The following NEK4 variants were observed in gnomAD, a reference collection of about 807,000 sequenced individuals.
NEK4 encodes the protein NIMA related kinase 4.
A neutral mutation model predicts 98.4 loss-of-function variants in NEK4; 86 were observed. That is an observed-to-expected ratio of 0.87 (90% CI 0.73 to 1.05). The LOEUF (loss-of-function observed/expected upper bound fraction) is 1.05. NEK4 is among the 50% of genes least tolerant of loss of function. The pLI is 0.00. For synonymous variants in NEK4, 328 were observed against 342.2 expected, an observed-to-expected ratio of 0.96 and a Z score of 0.46; for missense variants, 898 against 950.3, an observed-to-expected ratio of 0.94 and a Z score of 0.72.
At chr3:52,768,766 T>C (rs1315623229) in intron 1 of NEK4, among the ~76,000 whole-genome samples, 162 bp from the exon 2 acceptor site, 1 of 152,034 alleles carries the variant, frequency 6.6e-6, no homozygotes, top group Non-Finnish European at 1.5e-5. Flanking sequence ...TCGGGGAAAA[T>C]ATTTGCTATT....
At chr3:52,767,590 C>T (rs1441551545) in intron 2 of NEK4, among the ~76,000 whole-genome samples, 1 of 151,682 alleles carries the variant, frequency 6.6e-6, no homozygotes, top group East Asian at 1.9e-4. Context: ...TGGTGGCAGG[C>T]GCCTGTAATC....
rs2097397241 is a variant in NEK4, at chr3:52,746,918, A to C, written c.1507-14T>G. Reference sequence around the variant, plus strand: ...AGCAACTTGATCCTTAAAAACAATAAAATGACATTTTAAAGTATAGCAGCA... The same window carrying C: ...AGCAACTTGATCCTTAAAAACAATACAATGACATTTTAAAGTATAGCAGCA... On this transcript the variant is annotated splice_polypyrimidine_tract_variant and intron_variant, in intron 8 of 15. Coordinates refer to ENST00000233027, the MANE Select transcript of NEK4 (RefSeq NM_003157.6). 1.2e-6 allele frequency: 2 copies of C among 1,600,582 alleles called. No homozygotes were observed. The highest frequency in any genetic ancestry group is 1.7e-6 in the Non-Finnish European group (2 of 1,168,598).
At chr3:52,727,010 T>C (rs1305773116) in intron 15 of NEK4, among the ~76,000 whole-genome samples, 1 of 150,912 alleles carries the variant, frequency 6.6e-6, no homozygotes, top group Non-Finnish European at 1.5e-5. Flanking sequence ...GTTTCACTCT[T>C]GTTGCCCAGG....
intron 10 of NEK4, among the ~76,000 whole-genome samples, chr3:52,745,642 A>G (rs1296815584): frequency 6.6e-6 from 1 of 152,216 alleles, no homozygotes; most frequent in Non-Finnish European, 1.5e-5. Flanking sequence ...GTGTTTGGCA[A>G]GAAGCAGAGC....
At chr3:52,717,761 T>C (rs1451955123) in intron 15 of NEK4, among the ~76,000 whole-genome samples, 1 of 152,128 alleles carries the variant, frequency 6.6e-6, no homozygotes, top group Non-Finnish European at 1.5e-5. Flanking sequence ...GAAGTGTAAC[T>C]GAGTACCTCC....
chr3:52,736,587 TAAA>T (rs546567809), intron 15 of NEK4, among the ~76,000 whole-genome samples: 7 of 119,136 alleles, frequency 5.9e-5, no homozygotes, highest in Admixed American at 8.8e-5. Flanking sequence ...CTCCGTCTCA[TAAA>T]AAAAAAAAAA....
chr3:52,750,561 T>C (rs1438823780), intron 7 of NEK4, among the ~76,000 whole-genome samples: 1 of 151,912 alleles, frequency 6.6e-6, no homozygotes, highest in East Asian at 1.9e-4. Flanking sequence ...AAAATACATA[T>C]ATGTGTGTGT....
chr3:52,711,961 C>A, intron 15 of NEK4, 92 bp from the exon 16 acceptor site: 1 of 690,520 alleles, frequency 1.4e-6, no homozygotes. Flanking sequence ...AGCATGGTAT[C>A]CAAGGTGGAA....
chr3:52,719,511 A>G (rs2097358227), intron 15 of NEK4, among the ~76,000 whole-genome samples: 1 of 150,412 alleles, frequency 6.6e-6, no homozygotes. Context: ...TGAACCTGGG[A>G]GGCGTAGGTT....
intron 2 of NEK4, among the ~76,000 whole-genome samples, chr3:52,767,416 A>T (rs1372340882): frequency 6.6e-6 from 1 of 152,082 alleles, no homozygotes; most frequent in Non-Finnish European, 1.5e-5. Context: ...ATTTTTATTT[A>T]GAGAAAGTAT....
intron 15 of NEK4, among the ~76,000 whole-genome samples, chr3:52,719,110 A>G (rs1416922710): frequency 6.6e-6 from 1 of 152,204 alleles, no homozygotes; most frequent in Non-Finnish European, 1.5e-5. Flanking sequence ...GTACTCTTAA[A>G]GGCAGAAAGC....
chr3:52,750,481 A>G (rs1020302129), intron 7 of NEK4, among the ~76,000 whole-genome samples: 4 of 152,176 alleles, frequency 2.6e-5, no homozygotes, highest in Non-Finnish European at 5.9e-5. Context: ...CAGGAGGCAG[A>G]GGTTATAGTG....
intron 6 of NEK4, among the ~76,000 whole-genome samples, chr3:52,759,205 G>A (rs2154106151): frequency 6.6e-6 from 1 of 150,774 alleles, no homozygotes; most frequent in South Asian, 2.1e-4. Flanking sequence ...CCAGGAGTTT[G>A]AGACCAGCCT....
rs938096120 is a variant in NEK4, at chr3:52,737,402, TG to T, written c.2433+183del. 173 of 558,232 alleles carry T rather than the reference TG, an allele frequency of 3.1e-4. 1 individual carries two copies. Among genetic ancestry groups the T allele is most frequent in the Admixed American group, 6.5e-4 (21 of 32,192 alleles). The allele number at this position is 558,232 out of a possible 1,614,324, so 34.6% of individuals were successfully genotyped here. On this transcript the variant is annotated intron_variant, in intron 15 of 15. Transcript: ENST00000233027. ...GACTGCTAACAGGTGCAGGGCTTCT[TG>T]GGGCGTAATGAAAATGTTCTAATAT...
intron 15 of NEK4, among the ~76,000 whole-genome samples, chr3:52,720,916 C>G (rs1440710175): frequency 1.6e-4 from 25 of 152,336 alleles, no homozygotes; most frequent in Non-Finnish European, 3.5e-4. Context: ...TGAAACAATA[C>G]TATAGAAGAT....
chr3:52,744,033 TCC>T (rs2097391221), intron 11 of NEK4, among the ~76,000 whole-genome samples: 1 of 152,164 alleles, frequency 6.6e-6, no homozygotes, highest in Admixed American at 6.6e-5. Context: ...AATATCCCCC[TCC>T]TCTGATATTT....
chr3:52,738,267 C>T (rs927991672), intron 14 of NEK4, among the ~76,000 whole-genome samples: 55 of 152,004 alleles, frequency 3.6e-4, no homozygotes, highest in Admixed American at 1.8e-3. Flanking sequence ...CTACCATGTC[C>T]AACTAATTCT....
chr3:52,722,271 A>G (rs558936291), intron 15 of NEK4, among the ~76,000 whole-genome samples: 1 of 152,216 alleles, frequency 6.6e-6, no homozygotes, highest in East Asian at 1.9e-4. Flanking sequence ...CATCCAGCGT[A>G]TCCTTATTCT....
rs764357487 is a variant in NEK4, at chr3:52,763,544, C to G, written c.747G>C (p.Arg249Ser). The G allele has an allele frequency of 1.2e-6, 2 of 1,614,112 alleles. No individual in the cohort carries two copies. The highest frequency in any genetic ancestry group is 2.2e-5 in the South Asian group (2 of 91,062). ...GCCTCAGGATGCTCCTCACAGACGG[C>G]CTTTCTTCAGGCCTTTTGCTCAGCA... ...RTMLSKRPEE[R>S]PSVRSILRQP... The change falls in exon 5 of 16, where the codon AGG (arginine) becomes AGC (serine). Residue 249 changes from arginine (R) to serine (S), a missense_variant. Arg to Ser is a moderately radical substitution (Grantham distance 110). Transcript: ENST00000233027.
Sources: allele counts gnomAD v4.1 joint callset (sites outside exome capture counted in the v4.1 genomes callset), GRCh38; gene constraint gnomAD v4.1.1; transcripts MANE v1.5; gene names NCBI Gene and HGNC (gene_info 2026-07-23, HGNC 2026-07-21).